The following BRCA2 variants were observed in gnomAD, a reference collection of about 807,000 sequenced individuals.
The protein encoded by BRCA2 is breast cancer type 2 susceptibility protein.
A neutral mutation model predicts 276.7 loss-of-function variants in BRCA2; 203 were observed. That is an observed-to-expected ratio of 0.73 (90% CI 0.65 to 0.82). BRCA2 has a LOEUF of 0.82. BRCA2 is among the 40% of genes least tolerant of loss of function. The pLI, the probability that BRCA2 is intolerant of heterozygous loss-of-function variation, is 0.00. For synonymous variants in BRCA2, 1,289 were observed against 1,338.4 expected, an observed-to-expected ratio of 0.96 and a Z score of 0.81; for missense variants, 3,920 against 3,915.0, an observed-to-expected ratio of 1.00 and a Z score of -0.03.
At chr13:32,377,868 A>G (rs980579684) in intron 21 of BRCA2, among the ~76,000 whole-genome samples, 1 of 152,202 alleles carries the variant, frequency 6.6e-6, no homozygotes, top group African/African-American at 2.4e-5. Context: ...AATCTTGTGA[A>G]TATAGCCTTA....
chr13:32,323,253 C>T (rs993520854), intron 3 of BRCA2, among the ~76,000 whole-genome samples: 18 of 151,452 alleles, frequency 1.2e-4, no homozygotes, highest in East Asian at 5.8e-4. Context: ...CCCAGGTTCA[C>T]GCCATTCTCC....
At position 32,394,797 on chromosome 13, in the gene BRCA2, C is replaced by T. The variant is rs571971903; in HGVS notation, c.9365C>T (p.Ala3122Val). The T allele has an allele frequency of 3.7e-6, 6 of 1,614,094 alleles. No homozygotes were observed. Among genetic ancestry groups the T allele is most frequent in the African/African-American group, 1.3e-5 (1 of 75,054 alleles). The change falls in exon 25 of 27, where the codon GCA becomes GTA. Residue 3122 changes from alanine (A) to valine (V), a missense_variant. By Grantham distance (64) the Ala-to-Val change is moderately conservative (BLOSUM62 0). Transcript: ENST00000380152. Reference sequence around the variant, plus strand: ...ATTAAGCCTCATATGTTAATTGCTGCAAGCAACCTCCAGTGGCGACCAGAA... The same window carrying T: ...ATTAAGCCTCATATGTTAATTGCTGTAAGCAACCTCCAGTGGCGACCAGAA... Reference protein sequence around the residue: ...DIIKPHMLIAASNLQWRPESK... With the variant: ...DIIKPHMLIAVSNLQWRPESK...
rs730881522 is a variant in BRCA2 at position 32,337,706 on chromosome 13, A to T, written c.3351A>T (p.Ile1117=). The stretch of plus-strand genomic sequence containing the variant: ...CAGAAATTACAGAACTTTCTACTAT[A>T]TTAGAAGAATCAGGAAGTCAGTTTG... ...QKAEITELST[I]LEESGSQFEF... The change falls in exon 11 of 27, where the codon ATA becomes ATT. Residue 1117 remains isoleucine, a synonymous_variant. Coordinates refer to ENST00000380152, the MANE Select transcript of BRCA2 (RefSeq NM_000059.4). The T allele has an allele frequency of 6.2e-7, 1 of 1,612,526 alleles. No homozygotes were observed. The highest frequency in any genetic ancestry group is 8.5e-7 in the Non-Finnish European group (1 of 1,179,438).
chr13:32,325,539 T>C (rs1048883250), intron 4 of BRCA2, among the ~76,000 whole-genome samples: 10 of 150,242 alleles, frequency 6.7e-5, no homozygotes, highest in African/African-American at 2.2e-4. Flanking sequence ...CTTTACAAAT[T>C]TTTTTTTTGT....
chr13:32,387,768 T>C (rs2072970345), intron 24 of BRCA2, among the ~76,000 whole-genome samples: 1 of 152,186 alleles, frequency 6.6e-6, no homozygotes, highest in Admixed American at 6.5e-5. Context: ...TGATCTTTCT[T>C]ATAAGTGCAG....
Position 32,325,686 on chromosome 13 carries a change from G to A in BRCA2, c.426-415G>A, listed in dbSNP as rs11571615. On this transcript the variant is annotated intron_variant, in intron 4 of 26. Transcript: ENST00000380152. Reference sequence around the variant, plus strand: ...CTCCCAAGTAGCTGGGACTACAGGCGCCCGCCACCATGCCCGGCTAATTTT... The same window carrying A: ...CTCCCAAGTAGCTGGGACTACAGGCACCCGCCACCATGCCCGGCTAATTTT... 3.2e-3 allele frequency among the ~76,000 whole-genome samples: 480 copies of A among 151,820 alleles called. 4 individuals carry two copies. The highest frequency in any genetic ancestry group is 0.011 in the African/African-American group (460 of 41,366).
rs587782174 is a variant in BRCA2 at position 32,341,173 on chromosome 13, G to A, written c.6818G>A (p.Arg2273Lys). ...VLSNSRIGKR[R>K]GEPLILVGEP... ...TCAAATTCAAGAATTGGAAAAAGAAGAGGAGAGCCCCTTATCTTAGTGGGT... is the reference window on the plus strand; with the variant it reads ...TCAAATTCAAGAATTGGAAAAAGAAAAGGAGAGCCCCTTATCTTAGTGGGT... The change falls in exon 11 of 27, where the codon AGA (arginine) becomes AAA (lysine). Residue 2273 changes from arginine (R) to lysine (K), a missense_variant. Around this residue, in one of 2 missense-constraint regions of BRCA2, gnomAD observed 3,263 missense variants for 3,156.9 expected, o/e 1.03. Transcript: ENST00000380152. The A allele has an allele frequency of 4.1e-5, 66 of 1,613,936 alleles. No individual in the cohort carries two copies. The highest frequency in any genetic ancestry group is 5.6e-5 in the Non-Finnish European group (66 of 1,179,910).
intron 10 of BRCA2, 101 bp downstream of exon 10, chr13:32,333,488 T>G: frequency 7.7e-7 from 1 of 1,306,666 alleles, no homozygotes; most frequent in Admixed American, 2.3e-5. Context: ...ATATCTTATA[T>G]TTAATCTTAG....
chr13:32,382,349 C>G (rs775383774), intron 24 of BRCA2, among the ~76,000 whole-genome samples: 1 of 152,160 alleles, frequency 6.6e-6, no homozygotes, highest in African/African-American at 2.4e-5. Flanking sequence ...CTGATTGAAG[C>G]CTTTTATACT....
intron 9 of BRCA2, 91 bp from the exon 10 acceptor site, chr13:32,332,181 C>A: frequency 7.9e-7 from 1 of 1,261,720 alleles, no homozygotes; most frequent in Non-Finnish European, 1.1e-6. Flanking sequence ...GCACATTCTA[C>A]ATAAACTGTT....
chr13:32,394,172 A>G lies in BRCA2; in HGVS notation c.9257-517A>G, dbSNP rs11147493. On this transcript the variant is annotated intron_variant, in intron 24 of 26. Transcript: ENST00000380152. ...GTACACCATTGTTTGGATGTACCAC[A>G]GTTTATCCAACTCTATCCTGTATAT... Among the ~76,000 whole-genome samples, 5,540 of 152,270 alleles carry G rather than the reference A, an allele frequency of 0.036. 287 individuals carry two copies. Among genetic ancestry groups the G allele is most frequent in the African/African-American group, 0.11 (4,430 of 41,540 alleles).
intron 20 of BRCA2, among the ~76,000 whole-genome samples, chr13:32,374,558 G>A (rs763545287): frequency 8.5e-5 from 13 of 152,124 alleles, no homozygotes; most frequent in Non-Finnish European, 4.4e-5. Flanking sequence ...AACATTCCAC[G>A]GATCTCTAGC....
At chr13:32,368,603 C>T (rs1171509353) in intron 18 of BRCA2, among the ~76,000 whole-genome samples, 1 of 151,284 alleles carries the variant, frequency 6.6e-6, no homozygotes, top group Non-Finnish European at 1.5e-5. Flanking sequence ...TTCACTGATC[C>T]AGAAGTTGTA....
chr13:32,328,633 A>T (rs1447853040), intron 7 of BRCA2, among the ~76,000 whole-genome samples: 1 of 152,220 alleles, frequency 6.6e-6, no homozygotes, highest in African/African-American at 2.4e-5. Context: ...TTCTGAGTAC[A>T]TCACATGTAG....
At chr13:32,380,534 CTT>C (rs11451886) in intron 24 of BRCA2, among the ~76,000 whole-genome samples, 13 of 101,718 alleles carry the variant, frequency 1.3e-4, no homozygotes, top group Admixed American at 2.3e-4. Flanking sequence ...CAGAGTCAAG[CTT>C]TTTTTTTTTT....
rs786202254 is a variant in BRCA2 at position 32,337,078 on chromosome 13, A to C, written c.2723A>C (p.Glu908Ala). The C allele has an allele frequency of 6.2e-7, 1 of 1,610,632 alleles. No homozygotes were observed. Among genetic ancestry groups the C allele is most frequent in the Non-Finnish European group, 8.5e-7 (1 of 1,179,190 alleles). Residue 908 changes from glutamate to alanine, a missense_variant, in exon 11 of 27, where the codon GAA (glutamate) becomes GCA (alanine). Transcript: ENST00000380152. Reference sequence around the variant, plus strand: ...AATCTTGCTTTAGGAAATACTAAGGAACTTCATGAAACAGACTTGACTTGT... The same window carrying C: ...AATCTTGCTTTAGGAAATACTAAGGCACTTCATGAAACAGACTTGACTTGT... ...RNNLALGNTK[E>A]LHETDLTCVN...
chr13:32,329,125 G>C (rs2072370360), intron 7 of BRCA2, among the ~76,000 whole-genome samples: 1 of 152,130 alleles, frequency 6.6e-6, no homozygotes, highest in Non-Finnish European at 1.5e-5. Flanking sequence ...GAATGCTAAA[G>C]TCTCCAAGCT....
At chr13:32,326,873 T>C (rs979867807) in intron 7 of BRCA2, among the ~76,000 whole-genome samples, 7 of 152,262 alleles carry the variant, frequency 4.6e-5, no homozygotes, top group African/African-American at 1.7e-4. Context: ...AATATTCCTT[T>C]ACTGGCCTAT....
chr13:32,361,848 G>A (rs548533217), intron 16 of BRCA2, among the ~76,000 whole-genome samples: 7 of 152,102 alleles, frequency 4.6e-5, no homozygotes, highest in African/African-American at 1.7e-4. Flanking sequence ...AGAACAGAGG[G>A]GACAGGATCA....
Sources: gnomAD v4.1 joint callset for allele counts (sites outside exome capture counted in the v4.1 genomes callset) on GRCh38, gnomAD v4.1.1 for gene constraint, gnomAD v4.1.1 regional missense constraint, MANE v1.5 for transcripts, NCBI Gene and HGNC (gene_info 2026-07-23, HGNC 2026-07-21) for gene names.